The following CSMD1 variants were observed in gnomAD, a reference collection of about 807,000 sequenced individuals.
CSMD1 encodes the protein CUB and sushi domain-containing protein 1.
A neutral mutation model predicts 417.5 loss-of-function variants in CSMD1; 213 were observed. The observed-to-expected ratio is 0.51, with a 90% CI of 0.46 to 0.57. The LOEUF is 0.57. Among genes scored for constraint, CSMD1 ranks in the 20% least tolerant of loss-of-function variants. CSMD1 has a pLI of 0.00. For synonymous variants in CSMD1, 2,862 were observed against 1,736.8 expected (o/e 1.65, Z -16.11); for missense variants, 6,923 against 4,529.7 (o/e 1.53, Z -15.17).
chr8:4,255,161 C>G (rs1392158596), intron 3 of CSMD1, among the ~76,000 whole-genome samples: 1 of 152,186 alleles, frequency 6.6e-6, no homozygotes, highest in Non-Finnish European at 1.5e-5. Context: ...ATACATAGAG[C>G]TTTATCCCAT....
intron 5 of CSMD1, among the ~76,000 whole-genome samples, chr8:3,820,637 G>A (rs527747337): frequency 4.5e-4 from 69 of 152,298 alleles, no homozygotes; most frequent in African/African-American, 1.4e-3. Context: ...GCGTAGTGGC[G>A]TAATCTCGGC....
At chr8:4,591,059 C>T (rs779234081) in intron 2 of CSMD1, among the ~76,000 whole-genome samples, 16 of 152,206 alleles carry the variant, frequency 1.1e-4, no homozygotes, top group Non-Finnish European at 2.2e-4. Flanking sequence ...GTGTTCTTGT[C>T]TCCAACAGAA....
chr8:4,406,509 G>C (rs754316113), intron 3 of CSMD1, among the ~76,000 whole-genome samples: 2 of 152,276 alleles, frequency 1.3e-5, no homozygotes, highest in East Asian at 3.9e-4. Flanking sequence ...AATTTGACTA[G>C]TTGATATTAC....
chr8:3,268,737 T>C (rs1031755728), intron 26 of CSMD1, among the ~76,000 whole-genome samples: 6 of 152,172 alleles, frequency 3.9e-5, no homozygotes, highest in Non-Finnish European at 7.3e-5. Context: ...GGGGTACTGT[T>C]GTCTACCTCT....
intron 5 of CSMD1, among the ~76,000 whole-genome samples, chr8:3,929,344 T>G (rs1351233823): frequency 1.3e-5 from 2 of 150,496 alleles, no homozygotes; most frequent in Non-Finnish European, 3.0e-5. Flanking sequence ...CATACATAAT[T>G]TTTAATACTA....
At chr8:4,451,953 T>C (rs921030022) in intron 2 of CSMD1, among the ~76,000 whole-genome samples, 2 of 148,574 alleles carry the variant, frequency 1.3e-5, no homozygotes, top group African/African-American at 4.9e-5. Flanking sequence ...TTATATATAA[T>C]ATATAAATAT....
At chr8:4,520,266 T>G (rs979847786) in intron 2 of CSMD1, among the ~76,000 whole-genome samples, 4 of 152,198 alleles carry the variant, frequency 2.6e-5, no homozygotes, top group Non-Finnish European at 5.9e-5. Context: ...ATGGACATAG[T>G]TGCAAAATAA....
intron 2 of CSMD1, among the ~76,000 whole-genome samples, chr8:4,538,284 A>T (rs1485056569): frequency 6.7e-6 from 1 of 150,010 alleles, no homozygotes; most frequent in African/African-American, 2.5e-5. Flanking sequence ...TTGTTATCCT[A>T]CCACTACGAC....
At chr8:3,764,075 T>A (rs896729351) in intron 5 of CSMD1, among the ~76,000 whole-genome samples, 1 of 152,082 alleles carries the variant, frequency 6.6e-6, no homozygotes, top group African/African-American at 2.4e-5. Flanking sequence ...GGCTCTCAGA[T>A]GTATATTTCT....
chr8:4,018,143 T>A (rs547976299), intron 4 of CSMD1, among the ~76,000 whole-genome samples: 4 of 152,204 alleles, frequency 2.6e-5, no homozygotes, highest in African/African-American at 4.8e-5. Context: ...TGTTTTTATG[T>A]CTTTTTTCAA....
At chr8:3,330,759 T>C (rs1403527518) in intron 23 of CSMD1, among the ~76,000 whole-genome samples, 1 of 152,164 alleles carries the variant, frequency 6.6e-6, no homozygotes, top group Non-Finnish European at 1.5e-5. Context: ...AAAGTTACAA[T>C]AATAAACTAA....
chr8:3,088,222 T>G (rs925291361), intron 48 of CSMD1, among the ~76,000 whole-genome samples: 11 of 152,314 alleles, frequency 7.2e-5, no homozygotes, highest in Admixed American at 2.0e-4. Flanking sequence ...CTGCATCTTA[T>G]TTACACGTTT....
chr8:3,854,175 C>T (rs1334658828), intron 5 of CSMD1, among the ~76,000 whole-genome samples: 3 of 145,086 alleles, frequency 2.1e-5, no homozygotes, highest in African/African-American at 2.5e-5. Context: ...AAAAAAAACA[C>T]GTCTTGGAAA....
chr8:3,707,911 G>A (rs998094778), intron 7 of CSMD1, among the ~76,000 whole-genome samples: 3 of 152,108 alleles, frequency 2.0e-5, no homozygotes, highest in African/African-American at 7.2e-5. Context: ...CAGGTCCTGG[G>A]CACGTGCAAA....
intron 3 of CSMD1, among the ~76,000 whole-genome samples, chr8:4,337,378 C>A (rs909951310): frequency 1.3e-5 from 2 of 152,084 alleles, no homozygotes; most frequent in South Asian, 4.1e-4. Flanking sequence ...CATTTCTGCC[C>A]TTCTTCAGTA....
At chr8:4,549,943 G>A (rs1020612142) in intron 2 of CSMD1, among the ~76,000 whole-genome samples, 8 of 149,902 alleles carry the variant, frequency 5.3e-5, no homozygotes, top group South Asian at 2.1e-4. Flanking sequence ...CATTACTTAG[G>A]TGAATGGCCA....
chr8:2,985,710 T>C (rs1013568681), intron 54 of CSMD1, among the ~76,000 whole-genome samples: 3 of 152,088 alleles, frequency 2.0e-5, no homozygotes, highest in African/African-American at 7.2e-5. Context: ...GTGACTCAGC[T>C]TCACTCAAGG....
chr8:3,574,524 G>C (rs1035222720), intron 10 of CSMD1, among the ~76,000 whole-genome samples: 1 of 152,204 alleles, frequency 6.6e-6, no homozygotes, highest in African/African-American at 2.4e-5. Flanking sequence ...TGGCATTACA[G>C]GCTTGAGCGA....
At chr8:3,075,195 C>A (rs554339730) in intron 49 of CSMD1, among the ~76,000 whole-genome samples, 2 of 152,200 alleles carry the variant, frequency 1.3e-5, no homozygotes, top group South Asian at 4.2e-4. Flanking sequence ...CCTGTCCAGC[C>A]GGAGAAACTG....
Sources: gnomAD v4.1 joint callset for allele counts (sites outside exome capture counted in the v4.1 genomes callset) on GRCh38, gnomAD v4.1.1 for gene constraint, MANE v1.5 for transcripts, NCBI Gene and HGNC (gene_info 2026-07-23, HGNC 2026-07-21) for gene names.